Variants in CAPN6 observed in about 807,000 individuals in gnomAD.
CAPN6 encodes the protein calpain-6.
CAPN6 carries 16 observed loss-of-function variants against 46.0 expected under a neutral mutation model. That is an observed-to-expected ratio of 0.35 (90% CI 0.24 to 0.53). The LOEUF (loss-of-function observed/expected upper bound fraction) is 0.53. Ranked by LOEUF, CAPN6 falls within the 20% of genes least tolerant of loss-of-function variation. The pLI is 0.94. For missense variants in CAPN6, 461 were observed against 498.0 expected, an observed-to-expected ratio of 0.93 and a Z score of 0.71; for synonymous variants, 206 against 172.8, an observed-to-expected ratio of 1.19 and a Z score of -1.51.
chrX:111,255,996 T>A (rs1438736908), intron 2 of CAPN6, among the ~76,000 whole-genome samples: 2 of 112,332 alleles, frequency 1.8e-5, no homozygotes, highest in Non-Finnish European at 3.8e-5. Context: ...CAAACCCTGA[T>A]GTTCTTTTTC....
At chrX:111,263,658 G>A in intron 2 of CAPN6, 114 bp downstream of exon 2, 1 of 501,498 alleles carries the variant, frequency 2.0e-6, no homozygotes, top group Non-Finnish European at 3.1e-6. Flanking sequence ...AGGAAGGAAG[G>A]AAGGTTAACT....
At chrX:111,259,763 C>T (rs1318851911) in intron 2 of CAPN6, among the ~76,000 whole-genome samples, 3 of 111,758 alleles carry the variant, frequency 2.7e-5, no homozygotes, top group Non-Finnish European at 5.6e-5. Flanking sequence ...GGCTTTACTC[C>T]TTTTTAGTCA....
chrX:111,254,278 C>T lies in CAPN6; in HGVS notation c.291G>A (p.Trp97Ter). 1 of 1,205,824 alleles carries T rather than the reference C, an allele frequency of 8.3e-7. No individual in the cohort carries two copies. The highest frequency in any genetic ancestry group is 1.1e-6 in the Non-Finnish European group (1 of 891,423). ...CCCACAGGAGGGATAATACCTTTGT[C>T]CAATGAGACTCCTGAACAGCCAAAC... ...FSCLAVQESH[W>*]TKTIPNHKEQ... The change falls in exon 3 of 13, where the codon TGG becomes TGA. Residue 97 changes from tryptophan (W) to a stop codon, truncating the protein, a stop_gained. Coordinates refer to ENST00000324068, the MANE Select transcript of CAPN6 (RefSeq NM_014289.4). LOFTEE classifies it high-confidence loss of function.
chrX:111,248,128 A>T, intron 10 of CAPN6, 136 bp from the exon 11 acceptor site: 1 of 587,627 alleles, frequency 1.7e-6, no homozygotes, highest in Non-Finnish European at 2.7e-6. Flanking sequence ...GATATGTCTT[A>T]TATATATTTT....
Position 111,247,466 on chromosome X carries a change from C to T in CAPN6, c.1645G>A (p.Glu549Lys), listed in dbSNP as rs2094975489. 1.7e-6 allele frequency: 2 copies of T among 1,204,671 alleles called. No individual in the cohort carries two copies. Among genetic ancestry groups the T allele is most frequent in the Non-Finnish European group, 2.2e-6 (2 of 892,666 alleles). ...TTCTTCTGGACAGGAGAACGGACTTCCTCCTTTCCACATTTGATGACCAAA... is the reference window on the plus strand; with the variant it reads ...TTCTTCTGGACAGGAGAACGGACTTTCTCCTTTCCACATTTGATGACCAAA... ...PYLVIKCGKE[E>K]VRSPVQKNTV... Residue 549 changes from glutamate (E) to lysine (K), a missense_variant, in exon 12 of 13, where the codon GAA becomes AAA. By Grantham distance (56) the Glu-to-Lys change is moderately conservative. Transcript: ENST00000324068.
chrX:111,260,374 G>A (rs929264314), intron 2 of CAPN6, among the ~76,000 whole-genome samples: 3 of 113,063 alleles, frequency 2.7e-5, no homozygotes, highest in Non-Finnish European at 5.6e-5. Flanking sequence ...GAAGGCAAAA[G>A]CCTTCAACAC....
rs2094973858 is a variant in CAPN6 at position 111,245,710 on chromosome X, T to C, written c.*867A>G. On this transcript the variant is annotated 3_prime_UTR_variant, in exon 13 of 13. Transcript: ENST00000324068. ...CTTTTAGGTGTGTATGGTACTTACT[T>C]ATCTTTCCTCTTGCCCACTGACTGC... 1 of 113,155 alleles carries C rather than the reference T, an allele frequency of 8.8e-6. No homozygotes were observed. The highest frequency in any genetic ancestry group is 1.9e-5 in the Non-Finnish European group (1 of 53,386). 9.3% of individuals were successfully genotyped at this position (113,155 alleles called of 1,213,427 possible).
intron 10 of CAPN6, 63 bp from the exon 11 acceptor site, chrX:111,248,055 G>T (rs1174180856): frequency 1.9e-6 from 2 of 1,072,543 alleles, no homozygotes; most frequent in Admixed American, 4.4e-5. Context: ...AAATAAGCCC[G>T]CCAAAGCAGA....
chrX:111,251,203 C>A lies in CAPN6; in HGVS notation c.971+6G>T. The A allele has an allele frequency of 8.3e-7, 1 of 1,210,313 alleles. No individual in the cohort carries two copies. The highest frequency in any genetic ancestry group is 2.2e-5 in the Admixed American group (1 of 45,926). Reference sequence around the variant, plus strand: ...CAATTCCCTTAGTGCAGAAACCCCTCCTCACCAAAACTCTCCATCATCAGA... The same window carrying A: ...CAATTCCCTTAGTGCAGAAACCCCTACTCACCAAAACTCTCCATCATCAGA... On this transcript the variant is annotated splice_donor_region_variant and intron_variant, in intron 7 of 12. Coordinates refer to ENST00000324068, the MANE Select transcript of CAPN6 (RefSeq NM_014289.4).
chrX:111,246,762 G>A lies in CAPN6; in HGVS notation c.1744-3C>T, dbSNP rs761242600. On this transcript the variant is annotated splice_region_variant and splice_polypyrimidine_tract_variant and intron_variant, in intron 12 of 12. Transcript: ENST00000324068. ...CAGAATTTTCGGCTGTTCCAGACCT[G>A]GAAAGACAAACGAAGGGAGTGAAGA... 3 of 1,203,720 alleles carry A rather than the reference G, an allele frequency of 2.5e-6. No individual in the cohort carries two copies. The highest frequency in any genetic ancestry group is 3.4e-6 in the Non-Finnish European group (3 of 891,549).
intron 2 of CAPN6, among the ~76,000 whole-genome samples, chrX:111,263,521 C>T (rs1010338243): frequency 9.0e-6 from 1 of 111,073 alleles, no homozygotes; most frequent in African/African-American, 3.3e-5. Context: ...GTGATGAATA[C>T]GTTAATTTAC....
At chrX:111,252,220 C>T in intron 5 of CAPN6, 87 bp downstream of exon 5, 6 of 754,471 alleles carry the variant, frequency 8.0e-6, no homozygotes, top group Middle Eastern at 3.7e-4. Flanking sequence ...CATGGGTCTT[C>T]GGGTTAAGGG....
Position 111,254,296 on chromosome X carries a change from A to G in CAPN6, c.273T>C (p.Ala91=). 2 of 1,208,682 alleles carry G rather than the reference A, an allele frequency of 1.7e-6. No individual in the cohort carries two copies. Among genetic ancestry groups the G allele is most frequent in the Non-Finnish European group, 2.2e-6 (2 of 892,976 alleles). The change falls in exon 3 of 13, where the codon GCT becomes GCC. Residue 91 remains alanine (A), a synonymous_variant. Coordinates refer to ENST00000324068, the MANE Select transcript of CAPN6 (RefSeq NM_014289.4). ...CCTTTGTCCAATGAGACTCCTGAAC[A>G]GCCAAACAGGAAAATGCAGAAACCA... ...KPMVSAFSCL[A]VQESHWTKTI...
Position 111,270,413 on chromosome X carries a change from GC to G in CAPN6, c.-59del. 2.8e-6 allele frequency: 1 copy of G among 352,766 alleles called. No homozygotes were observed. Among genetic ancestry groups the G allele is most frequent in the Non-Finnish European group, 5.6e-6 (1 of 177,932 alleles). 29.1% of individuals were successfully genotyped at this position (352,766 alleles called of 1,213,427 possible). A position where few individuals can be genotyped will look rare whatever the true frequency, so the allele number is the denominator to read the frequency against. Reference sequence around the variant, plus strand: ...CCCTGCTGCTGCTGCTGCTGCTGCTGCTGCTGCTGCTGCCGTTGCCGCTGCT... The same window carrying G: ...CCCTGCTGCTGCTGCTGCTGCTGCTGTGCTGCTGCTGCCGTTGCCGCTGCT... On this transcript the variant is annotated 5_prime_UTR_variant, in exon 1 of 13. Coordinates refer to ENST00000324068, the MANE Select transcript of CAPN6 (RefSeq NM_014289.4).
At chrX:111,261,195 A>G (rs970136066) in intron 2 of CAPN6, among the ~76,000 whole-genome samples, 3 of 112,785 alleles carry the variant, frequency 2.7e-5, no homozygotes, top group African/African-American at 9.7e-5. Context: ...ACAGCATGAT[A>G]GAGTGAAAAC....
intron 2 of CAPN6, among the ~76,000 whole-genome samples, chrX:111,260,097 C>T (rs764523019): frequency 8.9e-6 from 1 of 112,555 alleles, no homozygotes; most frequent in East Asian, 2.8e-4. Context: ...GGCCAATAGA[C>T]GGCTGGAGAA....
chrX:111,263,081 G>T (rs927063247), intron 2 of CAPN6, among the ~76,000 whole-genome samples: 1 of 112,265 alleles, frequency 8.9e-6, no homozygotes, highest in Admixed American at 9.4e-5. Flanking sequence ...CAGTAAAGAG[G>T]CAAGAGCATA....
intron 6 of CAPN6, 43 bp downstream of exon 6, chrX:111,251,506 C>T (rs201015179): frequency 7.4e-4 from 800 of 1,081,075 alleles, no homozygotes; most frequent in Non-Finnish European, 9.8e-4. Context: ...GGGAGAACTA[C>T]AGGGCTTTGG....
At position 111,246,773 on chromosome X, in the gene CAPN6, C is replaced by T. The variant is rs754725862; in HGVS notation, c.1744-14G>A. 17 of 1,192,938 alleles carry T rather than the reference C, an allele frequency of 1.4e-5. No individual in the cohort carries two copies. Among genetic ancestry groups the T allele is most frequent in the South Asian group, 1.8e-5 (1 of 54,665 alleles). ...GCTGTTCCAGACCTGGAAAGACAAA[C>T]GAAGGGAGTGAAGATGAGCAGCCCT... is the stretch of plus-strand genomic sequence containing the variant. On this transcript the variant is annotated splice_polypyrimidine_tract_variant and intron_variant, in intron 12 of 12. Coordinates refer to ENST00000324068, the MANE Select transcript of CAPN6 (RefSeq NM_014289.4).
Sources: allele counts gnomAD v4.1 joint callset (sites outside exome capture counted in the v4.1 genomes callset), GRCh38; gene constraint gnomAD v4.1.1; transcripts MANE v1.5; gene names NCBI Gene and HGNC (gene_info 2026-07-23, HGNC 2026-07-21).